Variants in ZMYND8 observed in about 807,000 individuals in gnomAD.
ZMYND8 encodes zinc finger MYND-type containing 8, also known as MYND-type zinc finger-containing chromatin reader ZMYND8.
A neutral mutation model predicts 140.8 loss-of-function variants in ZMYND8; 37 were observed. The ratio of observed to expected loss-of-function variants is 0.26; its 90% CI spans 0.20 to 0.35. The LOEUF (loss-of-function observed/expected upper bound fraction) is 0.35. Ranked by LOEUF, ZMYND8 falls within the 10% of genes least tolerant of loss-of-function variation. ZMYND8 has a pLI of 1.00. For missense variants in ZMYND8, 1,068 were observed against 1,570.0 expected (o/e 0.68, Z 5.40); for synonymous variants, 592 against 597.1 (o/e 0.99, Z 0.12).
At chr20:47,217,864 C>T (rs6094631) in intron 21 of ZMYND8, among the ~76,000 whole-genome samples, 45,999 of 151,650 alleles carry the variant, frequency 0.3, 7,469 homozygotes, top group Non-Finnish European at 0.38. Context: ...CCCTTCCTCC[C>T]CCTGCTCGCC....
intron 4 of ZMYND8, among the ~76,000 whole-genome samples, chr20:47,297,094 TGTA>T (rs1281483000): frequency 6.6e-6 from 1 of 152,084 alleles, no homozygotes; most frequent in Admixed American, 6.5e-5. Flanking sequence ...CCATGACAAA[TGTA>T]GTAGAATGAG....
Position 47,290,410 on chromosome 20 carries a change from GCTT to G in ZMYND8, c.661-139_661-137del, listed in dbSNP as rs1386164928. On this transcript the variant is annotated intron_variant, in intron 6 of 22. Coordinates refer to ENST00000471951, the MANE Select transcript of ZMYND8 (RefSeq NM_001281775.3). Reference sequence around the variant, plus strand: ...TGTTCTTCTATTCATTTCCCAAGATGCTTCTTTTTAACCTACAACACCCCGACT... The same window carrying G: ...TGTTCTTCTATTCATTTCCCAAGATGCTTTTTAACCTACAACACCCCGACT... The G allele has an allele frequency of 1.3e-5, 9 of 669,448 alleles. No individual in the cohort carries two copies. The East Asian group carries it at 2.1e-4, about 15-fold the overall frequency. 41.5% of individuals were successfully genotyped at this position (669,448 alleles called of 1,614,324 possible).
chr20:47,246,540 G>C lies in ZMYND8; in HGVS notation c.1775-23C>G, dbSNP rs73910807. On this transcript the variant is annotated intron_variant, in intron 13 of 22. Coordinates refer to ENST00000471951, the MANE Select transcript of ZMYND8 (RefSeq NM_001281775.3). ...TGCCTAAATTCAAAAAGAAAACCCA[G>C]CATGTGGCGTAGTCACAAAATAAAG... 9.0e-4 allele frequency: 1,391 copies of C among 1,547,256 alleles called. 7 individuals are homozygous for C. The highest frequency in any genetic ancestry group is 6.4e-3 in the African/African-American group (463 of 72,390).
In ZMYND8 at chr20:47,246,023, A is replaced by G; in HGVS notation, c.2269T>C (p.Ser757Pro). The G allele has an allele frequency of 6.3e-7, 1 of 1,598,824 alleles. No homozygotes were observed. Among genetic ancestry groups the G allele is most frequent in the Non-Finnish European group, 8.5e-7 (1 of 1,174,238 alleles). ...RKNKKEPKEP[S>P]PKQDVVGKTP... ...AATCACTTACCATCCTGTTTGGGAG[A>G]TGGTTCTTTGGGTTCCTTCTTATTT... Residue 757 changes from serine (S) to proline (P), a missense_variant, in exon 14 of 23, where the codon TCT becomes CCT. This residue lies in a region of ZMYND8 where 383 missense variants were observed against 431.2 expected (regional missense o/e 0.89). Coordinates refer to ENST00000471951, the MANE Select transcript of ZMYND8 (RefSeq NM_001281775.3).
In ZMYND8 at chr20:47,227,206, A is replaced by C. The variant is rs1451729221; in HGVS notation, c.3013T>G (p.Leu1005Val). 6.2e-7 allele frequency: 1 copy of C among 1,614,132 alleles called. No individual in the cohort carries two copies. The highest frequency in any genetic ancestry group is 2.2e-5 in the East Asian group (1 of 44,888). Reference sequence around the variant, plus strand: ...AGACCAGTGTGTCAGGCCTTACCTAAGTTGTGTTTCATTTCGGAGAGCTCT... The same window carrying C: ...AGACCAGTGTGTCAGGCCTTACCTACGTTGTGTTTCATTTCGGAGAGCTCT... ...QQELSEMKHN[L>V]ELTMAEMRQS... The change falls in exon 18 of 23, where the codon TTA becomes GTA. Residue 1005 changes from leucine (L) to valine (V), a missense_variant. By Grantham distance (32) the Leu-to-Val change is conservative. This residue lies in a region of ZMYND8 where 87 missense variants were observed against 151.1 expected (regional missense o/e 0.58). Transcript: ENST00000471951.
chr20:47,284,341 C>A (rs534115975), intron 8 of ZMYND8, among the ~76,000 whole-genome samples: 2 of 152,314 alleles, frequency 1.3e-5, no homozygotes, highest in African/African-American at 4.8e-5. Context: ...TTCCCCCCAC[C>A]CACAGGGATC....
intron 3 of ZMYND8, among the ~76,000 whole-genome samples, chr20:47,304,115 G>T (rs1468218741): frequency 6.6e-6 from 1 of 152,182 alleles, no homozygotes. Context: ...TGTATAATGT[G>T]TGTTACCAGT....
intron 7 of ZMYND8, among the ~76,000 whole-genome samples, chr20:47,289,092 ACT>A (rs2077099234): frequency 1.3e-5 from 2 of 152,178 alleles, no homozygotes; most frequent in Admixed American, 6.5e-5. Context: ...ATTCAGTGAG[ACT>A]CTGTCTCTAA....
intron 2 of ZMYND8, among the ~76,000 whole-genome samples, chr20:47,341,821 G>A (rs1338159255): frequency 3.3e-5 from 5 of 151,936 alleles, no homozygotes; most frequent in African/African-American, 4.8e-5. Flanking sequence ...GCCTAACATG[G>A]GGAAACCCTG....
intron 3 of ZMYND8, among the ~76,000 whole-genome samples, chr20:47,300,538 G>A (rs1360380791): frequency 1.3e-5 from 2 of 152,146 alleles, no homozygotes; most frequent in African/African-American, 2.4e-5. Flanking sequence ...CTCATATATA[G>A]ACAGTTCCAA....
chr20:47,311,744 C>T (rs1005781666), intron 2 of ZMYND8, among the ~76,000 whole-genome samples: 3 of 152,158 alleles, frequency 2.0e-5, no homozygotes, highest in African/African-American at 7.2e-5. Flanking sequence ...GTGGCACACA[C>T]CTGTAATCCC....
chr20:47,239,315 C>T (rs1257285113), intron 14 of ZMYND8, among the ~76,000 whole-genome samples, 177 bp from the exon 15 acceptor site: 4 of 152,236 alleles, frequency 2.6e-5, no homozygotes, highest in East Asian at 3.8e-4. Flanking sequence ...GCTGAGGCCA[C>T]TTCTGCGGCG....
At chr20:47,328,143 T>A (rs1203350161) in intron 2 of ZMYND8, among the ~76,000 whole-genome samples, 1 of 152,026 alleles carries the variant, frequency 6.6e-6, no homozygotes, top group Admixed American at 6.6e-5. Flanking sequence ...GAAAGGCCCT[T>A]AAAGGGTGTA....
chr20:47,255,769 A>G (rs2074643264), intron 12 of ZMYND8, among the ~76,000 whole-genome samples: 2 of 116,676 alleles, frequency 1.7e-5, no homozygotes, highest in Non-Finnish European at 3.4e-5. Flanking sequence ...TATATACGGT[A>G]TATATATATA....
At chr20:47,323,222 T>A (rs1464788689) in intron 2 of ZMYND8, among the ~76,000 whole-genome samples, 1 of 152,018 alleles carries the variant, frequency 6.6e-6, no homozygotes, top group Admixed American at 6.6e-5. Context: ...AACCGAGAAA[T>A]TTCAAACTCA....
chr20:47,350,355 T>G (rs1022838453), intron 1 of ZMYND8, among the ~76,000 whole-genome samples: 13 of 149,750 alleles, frequency 8.7e-5, no homozygotes, highest in Middle Eastern at 6.8e-3. Flanking sequence ...AAAAAAAACT[T>G]CATTTACAAA....
intron 16 of ZMYND8, among the ~76,000 whole-genome samples, chr20:47,235,754 C>T (rs1472325543): frequency 1.3e-5 from 2 of 151,588 alleles, no homozygotes; most frequent in African/African-American, 4.9e-5. Context: ...AAAGAAGGGG[C>T]CTGTGCTGAG....
At chr20:47,345,706 AC>A (rs1421790863) in intron 2 of ZMYND8, among the ~76,000 whole-genome samples, 3 of 151,780 alleles carry the variant, frequency 2.0e-5, no homozygotes, top group African/African-American at 7.3e-5. Context: ...ATGGGGTTTC[AC>A]CGTGTTGCCC....
At chr20:47,327,790 G>A (rs1252058804) in intron 2 of ZMYND8, among the ~76,000 whole-genome samples, 1 of 152,180 alleles carries the variant, frequency 6.6e-6, no homozygotes, top group African/African-American at 2.4e-5. Flanking sequence ...TTAACTTTCA[G>A]ATAATTAAAT....
Sources: gnomAD v4.1 joint callset for allele counts (sites outside exome capture counted in the v4.1 genomes callset) on GRCh38, gnomAD v4.1.1 for gene constraint, gnomAD v4.1.1 regional missense constraint, MANE v1.5 for transcripts, NCBI Gene and HGNC (gene_info 2026-07-23, HGNC 2026-07-21) for gene names.